Variants in NCAPG2 observed in about 807,000 individuals in gnomAD.
NCAPG2 encodes condensin-2 complex subunit G2.
A neutral mutation model predicts 141.1 loss-of-function variants in NCAPG2; 53 were observed. The ratio of observed to expected loss-of-function variants is 0.38; its 90% confidence interval spans 0.30 to 0.47. The LOEUF (loss-of-function observed/expected upper bound fraction) is 0.47. NCAPG2 is among the 20% of genes least tolerant of loss of function. NCAPG2 has a pLI of 0.99. For missense variants in NCAPG2, 1,087 were observed against 1,389.0 expected (o/e 0.78, Z 3.46); for synonymous variants, 499 against 490.7 (o/e 1.02, Z -0.22).
chr7:158,658,201 G>C, intron 17 of NCAPG2, 137 bp downstream of exon 17: 2 of 630,674 alleles, frequency 3.2e-6, no homozygotes, highest in Non-Finnish European at 4.9e-6. Context: ...CTACCACAGG[G>C]AGAGGGAAGG....
Position 158,637,103 on chromosome 7 carries a change from A to G in NCAPG2, c.3381-5386T>C, listed in dbSNP as rs544871171. ...GCTGGGACTACAGGCGCCCGCCACC[A>G]TGCCCGGCTAATTTTTTATATTTTT... On this transcript the variant is annotated intron_variant, in intron 27 of 27. Coordinates refer to ENST00000356309, the MANE Select transcript of NCAPG2 (RefSeq NM_017760.7). 1.8e-3 allele frequency among the ~76,000 whole-genome samples: 267 copies of G among 152,000 alleles called. 2 individuals carry two copies. Among genetic ancestry groups the G allele is most frequent in the African/African-American group, 5.8e-3 (242 of 41,472 alleles).
intron 1 of NCAPG2, 109 bp downstream of exon 1, chr7:158,704,615 G>A (rs1020364565): frequency 6.5e-6 from 1 of 152,790 alleles, no homozygotes; most frequent in Non-Finnish European, 1.5e-5. Context: ...CTCCTTAGGG[G>A]AGGGGAGGCT....
chr7:158,664,447 G>A, intron 14 of NCAPG2, 81 bp downstream of exon 14: 2 of 1,527,812 alleles, frequency 1.3e-6, no homozygotes, highest in South Asian at 2.4e-5. Context: ...TTATTAAATT[G>A]ACAAATACTG....
At chr7:158,632,015 C>T (rs560607331) in intron 27 of NCAPG2, among the ~76,000 whole-genome samples, 2 of 152,282 alleles carry the variant, frequency 1.3e-5, no homozygotes, top group African/African-American at 2.4e-5. Context: ...GCAAACAGGA[C>T]GTGTGCTCTT....
intron 27 of NCAPG2, among the ~76,000 whole-genome samples, chr7:158,637,651 C>T (rs1223682881): frequency 3.5e-5 from 1 of 28,710 alleles, no homozygotes; most frequent in African/African-American, 1.1e-4. Flanking sequence ...GGTGAGTGGA[C>T]GTCCTCAGGT....
intron 15 of NCAPG2, among the ~76,000 whole-genome samples, chr7:158,662,724 AC>A (rs1832612094): frequency 6.6e-6 from 1 of 152,140 alleles, no homozygotes; most frequent in Non-Finnish European, 1.5e-5. Flanking sequence ...ATCACTTTTC[AC>A]CACAAATCTC....
chr7:158,651,307 T>C (rs1226996472), intron 23 of NCAPG2, among the ~76,000 whole-genome samples: 1 of 152,222 alleles, frequency 6.6e-6, no homozygotes, highest in Admixed American at 6.5e-5. Context: ...TATGAGGCAA[T>C]GTATTCTGAC....
chr7:158,697,789 C>CG (rs1355382451), intron 2 of NCAPG2, among the ~76,000 whole-genome samples: 2 of 151,990 alleles, frequency 1.3e-5, no homozygotes, highest in East Asian at 3.9e-4. Flanking sequence ...AAGTCCTTTG[C>CG]GGGGACATAG....
intron 13 of NCAPG2, among the ~76,000 whole-genome samples, chr7:158,669,624 C>G (rs1833540277): frequency 6.6e-6 from 1 of 151,698 alleles, no homozygotes; most frequent in African/African-American, 2.4e-5. Flanking sequence ...AAAAAATTCG[C>G]CGGGCATGGT....
At chr7:158,681,711 C>T (rs10237597) in intron 9 of NCAPG2, among the ~76,000 whole-genome samples, 137,053 of 152,204 alleles carry the variant, frequency 0.9, 61,775 homozygotes, top group Admixed American at 0.94. Context: ...ATCAACAGTA[C>T]ACTTGCTTCA....
chr7:158,692,367 C>T (rs1835173047), intron 4 of NCAPG2, among the ~76,000 whole-genome samples: 1 of 152,108 alleles, frequency 6.6e-6, no homozygotes, highest in South Asian at 2.1e-4. Flanking sequence ...TGTAAGTATG[C>T]TCCTATTCTA....
chr7:158,654,236 C>G (rs1831731743), intron 22 of NCAPG2, among the ~76,000 whole-genome samples: 1 of 152,152 alleles, frequency 6.6e-6, no homozygotes, highest in African/African-American at 2.4e-5. Context: ...TGACTCACGC[C>G]CCCATCCACA....
At chr7:158,649,251 C>T (rs933722091) in intron 24 of NCAPG2, among the ~76,000 whole-genome samples, 1 of 152,200 alleles carries the variant, frequency 6.6e-6, no homozygotes, top group Non-Finnish European at 1.5e-5. Context: ...GACAAACCCA[C>T]AATCACATAT....
In NCAPG2 at chr7:158,650,826, C is replaced by T. The variant is rs1831433970; in HGVS notation, c.3075+6G>A. On this transcript the variant is annotated splice_donor_region_variant and intron_variant, in intron 24 of 27. Coordinates refer to ENST00000356309, the MANE Select transcript of NCAPG2 (RefSeq NM_017760.7). ...GCACAGCAGTTTCAGGATTAAAGCA[C>T]TTCACCTTCCGTAGCTGGTGACTTA... is the stretch of plus-strand genomic sequence containing the variant. 6.2e-7 allele frequency: 1 copy of T among 1,608,502 alleles called. No individual in the cohort carries two copies. The highest frequency in any genetic ancestry group is 8.5e-7 in the Non-Finnish European group (1 of 1,178,286).
chr7:158,667,519 C>G (rs1401668610), intron 13 of NCAPG2, among the ~76,000 whole-genome samples: 2 of 77,760 alleles, frequency 2.6e-5, no homozygotes, highest in African/African-American at 1.2e-4. Flanking sequence ...GGTCCCTCCG[C>G]CCTCCTTACC....
chr7:158,644,809 T>G (rs1172651891), intron 26 of NCAPG2, among the ~76,000 whole-genome samples: 3 of 152,212 alleles, frequency 2.0e-5, no homozygotes, highest in Non-Finnish European at 2.9e-5. Flanking sequence ...TCTTTTCTTA[T>G]GCCCAACCTG....
At chr7:158,639,935 G>A in intron 27 of NCAPG2, 5 of 722,876 alleles carry the variant, frequency 6.9e-6, no homozygotes, top group Non-Finnish European at 8.5e-6. Flanking sequence ...AACTGTAAAA[G>A]GTGTTAACAT....
rs781713230 is a variant in NCAPG2 at position 158,664,664 on chromosome 7, G to T, written c.1566C>A (p.Ile522=). The T allele has an allele frequency of 5.6e-6, 9 of 1,614,166 alleles. No individual in the cohort carries two copies. The East Asian group carries it at 2.0e-4, about 36-fold the overall frequency. ...RPVSRRLVSL[I]FNSFLPVNQP... is the part of the protein sequence containing the mutation. ...GATTCACAGGCAGGAAAGAATTAAA[G>T]ATGAGGCTCACCAGGCGCCGAGACA... The change falls in exon 14 of 28, where the codon ATC becomes ATA. Residue 522 remains isoleucine (I), a synonymous_variant. Transcript: ENST00000356309.
In NCAPG2 at chr7:158,656,255, G is replaced by A; in HGVS notation, c.2388+5C>T. ...AACCACTCAACTCTCAGGGCACAGA[G>A]TTACCTTTGACGTTTCAAGGGCTTT... is the stretch of plus-strand genomic sequence containing the variant. On this transcript the variant is annotated splice_donor_5th_base_variant and intron_variant, in intron 19 of 27. Transcript: ENST00000356309. 6.2e-7 allele frequency: 1 copy of A among 1,613,704 alleles called. No homozygotes were observed. Among genetic ancestry groups the A allele is most frequent in the Non-Finnish European group, 8.5e-7 (1 of 1,179,754 alleles).
Sources: allele counts gnomAD v4.1 joint callset (sites outside exome capture counted in the v4.1 genomes callset), GRCh38; gene constraint gnomAD v4.1.1; transcripts MANE v1.5; gene names NCBI Gene and HGNC (gene_info 2026-07-23, HGNC 2026-07-21).